PPP1R12A: variants seen among roughly 807,000 people sequenced by gnomAD.
PPP1R12A encodes the protein protein phosphatase 1 regulatory subunit 12A.
A neutral mutation model predicts 139.6 loss-of-function variants in PPP1R12A; 19 were observed. The observed-to-expected ratio is 0.14, with a 90% confidence interval of 0.09 to 0.20. PPP1R12A has a LOEUF of 0.20. PPP1R12A is among the 10% of genes least tolerant of loss of function. The pLI, the probability that PPP1R12A is intolerant of heterozygous loss-of-function variation, is 1.00. For missense variants in PPP1R12A, 925 were observed against 1,211.5 expected (o/e 0.76, Z 3.51); for synonymous variants, 427 against 420.6 (o/e 1.02, Z -0.19).
intron 15 of PPP1R12A, 61 bp from the exon 16 acceptor site, chr12:79,797,456 T>A: frequency 7.1e-7 from 1 of 1,412,180 alleles, no homozygotes; most frequent in Non-Finnish European, 9.5e-7. Flanking sequence ...TCAAGGAATA[T>A]TTTAGAAATA....
intron 1 of PPP1R12A, among the ~76,000 whole-genome samples, chr12:79,912,642 C>A (rs775493739): frequency 1.4e-4 from 21 of 151,006 alleles, no homozygotes; most frequent in Non-Finnish European, 2.8e-4. Flanking sequence ...TGCAGTGAGC[C>A]GTGATTGTGC....
chr12:79,776,602 G>A (rs1869756850), intron 24 of PPP1R12A, among the ~76,000 whole-genome samples: 1 of 151,956 alleles, frequency 6.6e-6, no homozygotes, highest in East Asian at 1.9e-4. Context: ...TTAGAATAGT[G>A]CATCATGTTT....
chr12:79,909,559 AC>A (rs1353764014), intron 1 of PPP1R12A, among the ~76,000 whole-genome samples: 2 of 151,800 alleles, frequency 1.3e-5, no homozygotes, highest in Non-Finnish European at 2.9e-5. Flanking sequence ...ACACAGTGAA[AC>A]CCCGTCTCTA....
At chr12:79,886,693 C>A (rs534448575) in intron 1 of PPP1R12A, among the ~76,000 whole-genome samples, 1 of 151,856 alleles carries the variant, frequency 6.6e-6, no homozygotes, top group Non-Finnish European at 1.5e-5. Context: ...AAAAATCTGA[C>A]GAAAACAATT....
chr12:79,913,798 G>A (rs1886784234), intron 1 of PPP1R12A: 1 of 152,160 alleles, frequency 6.6e-6, no homozygotes, highest in Non-Finnish European at 1.5e-5. Flanking sequence ...AATACTTACA[G>A]TCTTTCAAGC....
At chr12:79,855,133 C>T (rs766090717) in intron 2 of PPP1R12A, among the ~76,000 whole-genome samples, 2 of 152,056 alleles carry the variant, frequency 1.3e-5, no homozygotes, top group African/African-American at 2.4e-5. Context: ...GGACTACAGG[C>T]GCCTGCCACC....
chr12:79,907,775 G>C (rs951503450), intron 1 of PPP1R12A, among the ~76,000 whole-genome samples: 2 of 152,140 alleles, frequency 1.3e-5, no homozygotes, highest in African/African-American at 2.4e-5. Context: ...GTGTGTGCCA[G>C]TAGTCCCAGC....
At chr12:79,924,692 G>C (rs1887699076) in intron 1 of PPP1R12A, among the ~76,000 whole-genome samples, 1 of 152,190 alleles carries the variant, frequency 6.6e-6, no homozygotes, top group Non-Finnish European at 1.5e-5. Flanking sequence ...GCCTCCCAAA[G>C]TGCTGGGATT....
At chr12:79,845,213 T>A in intron 3 of PPP1R12A, 89 bp downstream of exon 3, 1 of 931,576 alleles carries the variant, frequency 1.1e-6, no homozygotes, top group South Asian at 1.5e-5. Flanking sequence ...GAAATTATGA[T>A]TGCCCTTCAA....
chr12:79,814,213 C>G (rs376818093), intron 9 of PPP1R12A, among the ~76,000 whole-genome samples: 1 of 152,240 alleles, frequency 6.6e-6, no homozygotes, highest in East Asian at 1.9e-4. Context: ...CATGGTGGCT[C>G]ACGCCTGTAA....
chr12:79,867,755 T>C (rs1882133449), intron 2 of PPP1R12A, among the ~76,000 whole-genome samples: 1 of 152,160 alleles, frequency 6.6e-6, no homozygotes, highest in African/African-American at 2.4e-5. Flanking sequence ...AATTGAATCC[T>C]GGGGGTGGTT....
In PPP1R12A at chr12:79,929,182, G is replaced by T. The variant is rs182151201; in HGVS notation, c.237+5513C>A. On this transcript the variant is annotated intron_variant, in intron 1 of 24. Transcript: ENST00000450142. The stretch of plus-strand genomic sequence containing the variant: ...AGAAGCGCAGTTCACAATAGGGTCC[G>T]CACTCCTATGGGAATCTAATGCCGC... 2.0e-5 allele frequency among the ~76,000 whole-genome samples: 3 copies of T among 152,242 alleles called. No homozygotes were observed. The East Asian group carries it at 5.8e-4, about 30-fold the overall frequency.
At chr12:79,872,702 G>C (rs1004728743) in intron 2 of PPP1R12A, 106 bp downstream of exon 2, 9 of 1,201,890 alleles carry the variant, frequency 7.5e-6, no homozygotes, top group Non-Finnish European at 1.0e-5. Flanking sequence ...TAATTTTCAT[G>C]AATTAAAGTA....
intron 9 of PPP1R12A, among the ~76,000 whole-genome samples, chr12:79,812,396 G>GTGTGTGTGTA (rs1464117789): frequency 6.7e-6 from 1 of 148,540 alleles, no homozygotes; most frequent in African/African-American, 2.6e-5. Flanking sequence ...GTGTGCGTGT[G>GTGTGTGTGTA]TGTGTGTGTG....
At chr12:79,899,582 T>C (rs1293410521) in intron 1 of PPP1R12A, among the ~76,000 whole-genome samples, 1 of 152,180 alleles carries the variant, frequency 6.6e-6, no homozygotes, top group Non-Finnish European at 1.5e-5. Context: ...CTTTTATTGC[T>C]GCATAAATAT....
At chr12:79,905,848 A>G (rs1347685557) in intron 1 of PPP1R12A, among the ~76,000 whole-genome samples, 3 of 152,204 alleles carry the variant, frequency 2.0e-5, no homozygotes, top group African/African-American at 7.2e-5. Flanking sequence ...GCTGTAATAA[A>G]CTGAAAGAAG....
At chr12:79,878,207 A>AG (rs1034976530) in intron 1 of PPP1R12A, 7 of 140,484 alleles carry the variant, frequency 5.0e-5, no homozygotes, top group African/African-American at 2.2e-4. Context: ...CAAGTTAAAA[A>AG]GTTAAAAAAA....
intron 17 of PPP1R12A, 145 bp from the exon 18 acceptor site, chr12:79,795,904 A>T: frequency 1.5e-6 from 1 of 681,386 alleles, no homozygotes; most frequent in Non-Finnish European, 2.2e-6. Flanking sequence ...AGCTCCAGCC[A>T]ATTGTTGGTA....
At chr12:79,803,293 A>T (rs1178207032) in intron 14 of PPP1R12A, among the ~76,000 whole-genome samples, 1 of 152,162 alleles carries the variant, frequency 6.6e-6, no homozygotes, top group Non-Finnish European at 1.5e-5. Context: ...TACGACATAG[A>T]GAAGAAAAAT....
Sources: allele counts gnomAD v4.1 joint callset (sites outside exome capture counted in the v4.1 genomes callset), GRCh38; gene constraint gnomAD v4.1.1; transcripts MANE v1.5; gene names NCBI Gene and HGNC (gene_info 2026-07-23, HGNC 2026-07-21).